Variants in CAPZB observed in about 807,000 individuals in gnomAD.
The protein encoded by CAPZB is F-actin-capping protein subunit beta.
Under a neutral mutation model 38.1 loss-of-function variants are expected in CAPZB, and 2 were observed. That is an observed-to-expected ratio of 0.05 (90% CI 0.02 to 0.17). The LOEUF (loss-of-function observed/expected upper bound fraction) is 0.17. Ranked by LOEUF, CAPZB falls within the 10% of genes least tolerant of loss-of-function variation. The pLI is 1.00. For missense variants in CAPZB, 161 were observed against 334.2 expected (o/e 0.48, Z 4.04); for synonymous variants, 107 against 127.4 (o/e 0.84, Z 1.08).
At chr1:19,345,414 C>G (rs1449778996) in intron 6 of CAPZB, among the ~76,000 whole-genome samples, 162 bp from the exon 7 acceptor site, 1 of 152,246 alleles carries the variant, frequency 6.6e-6, no homozygotes, top group Non-Finnish European at 1.5e-5. Context: ...AACTGAAGCA[C>G]AAACCGACTT....
chr1:19,388,152 A>G (rs2094213566), intron 2 of CAPZB, among the ~76,000 whole-genome samples: 1 of 152,224 alleles, frequency 6.6e-6, no homozygotes, highest in Non-Finnish European at 1.5e-5. Context: ...GGTATAAAAG[A>G]GGCTTGACTC....
intron 2 of CAPZB, among the ~76,000 whole-genome samples, chr1:19,419,061 T>C (rs2094391488): frequency 6.6e-6 from 1 of 152,238 alleles, no homozygotes. Flanking sequence ...TTTTGAATAT[T>C]TTGAGCACTC....
At chr1:19,423,516 CTTTTTTTTTTT>C (rs11340496) in intron 1 of CAPZB, among the ~76,000 whole-genome samples, 9 of 113,268 alleles carry the variant, frequency 7.9e-5, no homozygotes, top group East Asian at 7.6e-4. Flanking sequence ...AGTGAACATT[CTTTTTTTTTTT>C]TTTTTTTTTT....
chr1:19,469,021 T>C (rs937383595), intron 1 of CAPZB, among the ~76,000 whole-genome samples: 15 of 152,202 alleles, frequency 9.9e-5, no homozygotes, highest in African/African-American at 3.4e-4. Context: ...ATGGTCTCCA[T>C]ATAGCGACGG....
chr1:19,438,005 T>C (rs1277230462), intron 1 of CAPZB, among the ~76,000 whole-genome samples: 1 of 152,162 alleles, frequency 6.6e-6, no homozygotes, highest in African/African-American at 2.4e-5. Context: ...TTGGATGGCC[T>C]ACGAATGCTC....
intron 1 of CAPZB, among the ~76,000 whole-genome samples, chr1:19,466,683 T>A (rs1299783869): frequency 6.6e-6 from 1 of 152,196 alleles, no homozygotes; most frequent in Admixed American, 6.5e-5. Flanking sequence ...TCCAGACTCC[T>A]GGTACAGTGC....
chr1:19,457,163 A>T (rs2100722572), intron 1 of CAPZB, among the ~76,000 whole-genome samples: 1 of 152,300 alleles, frequency 6.6e-6, no homozygotes, highest in East Asian at 1.9e-4. Context: ...TCACAAAGGG[A>T]GGGGCCTTGG....
At chr1:19,425,557 G>C (rs528512849) in intron 1 of CAPZB, among the ~76,000 whole-genome samples, 29 of 152,080 alleles carry the variant, frequency 1.9e-4, no homozygotes, top group African/African-American at 6.8e-4. Flanking sequence ...GGTTTTTTGT[G>C]TTATTTTCTT....
At chr1:19,381,718 AGTCTCACTCT>A (rs998123818) in intron 3 of CAPZB, among the ~76,000 whole-genome samples, 4 of 117,592 alleles carry the variant, frequency 3.4e-5, no homozygotes, top group Non-Finnish European at 6.6e-5. Flanking sequence ...TTTGAGACAG[AGTCTCACTCT>A]GTTGCCCAGG....
chr1:19,344,968 T>TG (rs932870208), intron 7 of CAPZB, among the ~76,000 whole-genome samples: 6 of 152,200 alleles, frequency 3.9e-5, no homozygotes, highest in African/African-American at 1.4e-4. Flanking sequence ...AGCCCAGGTC[T>TG]GGGGGTGGAG....
chr1:19,409,066 GT>G (rs1303767345), intron 2 of CAPZB, among the ~76,000 whole-genome samples: 1 of 152,090 alleles, frequency 6.6e-6, no homozygotes, highest in African/African-American at 2.4e-5. Context: ...TAGTGTGTAG[GT>G]TATGATCCTT....
intron 1 of CAPZB, among the ~76,000 whole-genome samples, chr1:19,460,770 C>T (rs1013281134): frequency 6.6e-6 from 1 of 151,984 alleles, no homozygotes; most frequent in East Asian, 1.9e-4. Context: ...ACATTCCCCA[C>T]GGATAGGGGA....
At chr1:19,452,175 C>T (rs2094518248) in intron 1 of CAPZB, among the ~76,000 whole-genome samples, 1 of 152,104 alleles carries the variant, frequency 6.6e-6, no homozygotes, top group African/African-American at 2.4e-5. Flanking sequence ...TCCCAGCCTG[C>T]TCCTGCCCCC....
chr1:19,424,818 C>G (rs1172008308), intron 1 of CAPZB: 1 of 152,370 alleles, frequency 6.6e-6, no homozygotes, highest in Non-Finnish European at 1.5e-5. Flanking sequence ...AAAACAAGAC[C>G]ATCATCCTGG....
intron 1 of CAPZB, among the ~76,000 whole-genome samples, chr1:19,466,051 T>A (rs1195487984): frequency 6.6e-6 from 1 of 152,100 alleles, no homozygotes; most frequent in East Asian, 1.9e-4. Flanking sequence ...ACCCAGGCAG[T>A]CTGGCCCCAG....
intron 1 of CAPZB, among the ~76,000 whole-genome samples, chr1:19,480,375 G>A (rs1282007280): frequency 2.0e-5 from 3 of 152,170 alleles, no homozygotes; most frequent in Admixed American, 6.5e-5. Flanking sequence ...CTGAGACCAA[G>A]GGAATTAGCC....
chr1:19,354,857 G>C (rs1296244126), intron 6 of CAPZB, among the ~76,000 whole-genome samples: 2 of 152,240 alleles, frequency 1.3e-5, no homozygotes, highest in African/African-American at 4.8e-5. Flanking sequence ...ATGTGGGAGA[G>C]TCAGGCTGCA....
At chr1:19,378,233 G>A (rs1451227703) in intron 4 of CAPZB, among the ~76,000 whole-genome samples, 2 of 152,222 alleles carry the variant, frequency 1.3e-5, no homozygotes, top group Non-Finnish European at 2.9e-5. Flanking sequence ...CTGTACCAGT[G>A]GCACCTGCTG....
At chr1:19,408,678 A>G (rs894524010) in intron 2 of CAPZB, among the ~76,000 whole-genome samples, 2 of 152,166 alleles carry the variant, frequency 1.3e-5, no homozygotes, top group African/African-American at 4.8e-5. Flanking sequence ...TAGGCAACAG[A>G]CCTCCAGTTC....
Sources: allele counts gnomAD v4.1 joint callset (sites outside exome capture counted in the v4.1 genomes callset), GRCh38; gene constraint gnomAD v4.1.1; transcripts MANE v1.5; gene names NCBI Gene and HGNC (gene_info 2026-07-23, HGNC 2026-07-21).